The following PRH1 variants were observed in gnomAD, a reference collection of about 807,000 sequenced individuals.
The protein encoded by PRH1 is salivary acidic proline-rich phosphoprotein 1/2.
In PRH1, 7 loss-of-function variants were observed where a neutral mutation model predicts 7.9. That is an observed-to-expected ratio of 0.89 (90% CI 0.50 to 1.67). The LOEUF is 1.67. Ranked by LOEUF, PRH1 falls within the 40% of genes most tolerant of loss-of-function variation. The pLI is 0.00. For missense variants in PRH1, 109 were observed against 223.6 expected (o/e 0.49, Z 3.27); for synonymous variants, 45 against 80.8 (o/e 0.56, Z 2.38).
intron 1 of PRH1, among the ~76,000 whole-genome samples, chr12:10,983,356 G>A (rs1939448817): frequency 6.6e-6 from 1 of 152,198 alleles, no homozygotes; most frequent in Admixed American, 6.5e-5. Context: ...GCCATGATTG[G>A]AGGGCATGAG....
intron 2 of PRH1, among the ~76,000 whole-genome samples, chr12:10,921,994 C>T (rs2135848951): frequency 6.6e-6 from 1 of 152,120 alleles, no homozygotes; most frequent in East Asian, 1.9e-4. Flanking sequence ...TTGTCTCGAA[C>T]TCCTGAACTC....
chr12:10,996,771 T>A (rs1001231818), intron 1 of PRH1: 3 of 411,116 alleles, frequency 7.3e-6, no homozygotes, highest in Non-Finnish European at 4.2e-6. Context: ...CACGCAAATG[T>A]ATATTATATA....
chr12:11,016,146 T>C (rs529560987), intron 1 of PRH1, among the ~76,000 whole-genome samples: 26 of 152,354 alleles, frequency 1.7e-4, no homozygotes, highest in Admixed American at 1.2e-3. Flanking sequence ...TACAAGTTAC[T>C]TCTGCACAGG....
chr12:10,953,769 C>T (rs376168643), intron 2 of PRH1, among the ~76,000 whole-genome samples: 23 of 152,188 alleles, frequency 1.5e-4, no homozygotes, highest in Middle Eastern at 3.4e-3. Context: ...AGAACCCCTA[C>T]GAAATACTAC....
At chr12:11,157,530 TTATC>T (rs1947289705) in intron 1 of PRH1, among the ~76,000 whole-genome samples, 2 of 152,194 alleles carry the variant, frequency 1.3e-5, no homozygotes, top group African/African-American at 4.8e-5. Context: ...TTTATTGACT[TTATC>T]TCTCTTATTA....
intron 1 of PRH1, among the ~76,000 whole-genome samples, chr12:11,061,130 A>T (rs1445821038): frequency 1.3e-5 from 2 of 149,692 alleles, no homozygotes; most frequent in Non-Finnish European, 1.5e-5. Context: ...TGAAAAAACA[A>T]AAAAGAGTAT....
intron 1 of PRH1, among the ~76,000 whole-genome samples, chr12:11,020,130 C>A (rs1941524073): frequency 6.6e-6 from 1 of 152,202 alleles, no homozygotes; most frequent in Non-Finnish European, 1.5e-5. Context: ...ATAACCTCAA[C>A]CTGAAAATAG....
intron 2 of PRH1, chr12:10,929,160 G>A: frequency 7.3e-7 from 1 of 1,369,000 alleles, no homozygotes; most frequent in Non-Finnish European, 1.0e-6. Context: ...CTGAGGCGAG[G>A]AGGCCCACCT....
intron 1 of PRH1, chr12:11,078,808 C>G (rs1270749974): frequency 1.3e-5 from 2 of 152,046 alleles, no homozygotes; most frequent in African/African-American, 4.8e-5. Context: ...CAGAATCATC[C>G]AAGGTTATCT....
chr12:10,903,934 A>AAAAAAAAAAAAAAAAAC, intron 2 of PRH1, among the ~76,000 whole-genome samples: 1 of 139,536 alleles, frequency 7.2e-6, no homozygotes, highest in Non-Finnish European at 1.6e-5. Context: ...ATAGCCTCAA[A>AAAAAAAAAAAAAAAAAC]AAAAAAAAAA....
intron 1 of PRH1, among the ~76,000 whole-genome samples, chr12:11,019,642 A>G (rs1262990071): frequency 1.3e-5 from 2 of 152,302 alleles, no homozygotes; most frequent in Admixed American, 6.5e-5. Flanking sequence ...CAGCTAGAAA[A>G]TATCATAATA....
Position 11,044,150 on chromosome 12 carries a change from T to C in PRH1, c.-126+2870A>G, listed in dbSNP as rs140429992. ...TGGAAACAAATCCACACACCTACAG[T>C]GAACTCATTTTTGAAAAAGATGCCA... On this transcript the variant is annotated intron_variant, in intron 1 of 3. Coordinates refer to the PRH1 transcript ENST00000539853. Among the ~76,000 whole-genome samples the C allele has an allele frequency of 9.5e-3, 1,442 of 152,184 alleles. 17 individuals are homozygous for C. The highest frequency in any genetic ancestry group is 0.04 in the East Asian group (206 of 5,174).
chr12:10,887,485 T>C (rs1326944193), upstream of PRH1, among the ~76,000 whole-genome samples: 1 of 152,002 alleles, frequency 6.6e-6, no homozygotes, highest in Non-Finnish European at 1.5e-5. Context: ...ATGTTAGTGG[T>C]CCATAAATAT....
intron 2 of PRH1, among the ~76,000 whole-genome samples, chr12:10,926,108 T>C (rs1374030014): frequency 6.6e-6 from 1 of 152,188 alleles, no homozygotes; most frequent in Admixed American, 6.5e-5. Flanking sequence ...TTAAAAAATA[T>C]AGATGATTAC....
At position 11,092,601 on chromosome 12, in the gene PRH1, C is replaced by T. The variant is rs575819633; in HGVS notation, n.124-45413G>A. Among the ~76,000 whole-genome samples, 34 of 110,548 alleles carry T rather than the reference C, an allele frequency of 3.1e-4. 6 individuals are homozygous for T. The highest frequency in any genetic ancestry group is 9.2e-4 in the African/African-American group (31 of 33,532). 72.5% of individuals were successfully genotyped at this position (110,548 alleles called of 152,430 possible). ...TCCTGTTGATTGGTGCATTTTAGAG[C>T]GATTGGTGCATTTTACAATCCTCTT... On this transcript the variant is annotated intron_variant and non_coding_transcript_variant, in intron 1 of 4. Transcript: ENST00000541977.
chr12:10,996,613 T>TA (rs936351805), intron 1 of PRH1: 3 of 175,820 alleles, frequency 1.7e-5, no homozygotes, highest in African/African-American at 4.7e-5. Context: ...AAATATCATA[T>TA]AAAAAAATGT....
chr12:11,066,390 T>A (rs1943812999), intron 1 of PRH1, among the ~76,000 whole-genome samples: 1 of 152,088 alleles, frequency 6.6e-6, no homozygotes, highest in Non-Finnish European at 1.5e-5. Context: ...CACTAAAATC[T>A]AAATTGTTTC....
Position 10,930,859 on chromosome 12 carries a change from C to A in PRH1, c.-59+42796G>T, listed in dbSNP as rs1950198789. The A allele has an allele frequency of 6.2e-7, 1 of 1,613,282 alleles. No homozygotes were observed. The highest frequency in any genetic ancestry group is 2.2e-5 in the East Asian group (1 of 44,874). On this transcript the variant is annotated intron_variant, in intron 2 of 3. Coordinates refer to the PRH1 transcript ENST00000539853. ...ACAAGGACCACCCCAACAGGGAGGC[C>A]ATCCCCCTCCTCCTCAAGGAAGGCC...
intron 2 of PRH1, among the ~76,000 whole-genome samples, chr12:10,903,938 A>AAAAAAAAAAAAAAAAAAAAC (rs2135814480): frequency 7.0e-6 from 1 of 143,864 alleles, no homozygotes; most frequent in Non-Finnish European, 1.5e-5. Context: ...CCTCAAAAAA[A>AAAAAAAAAAAAAAAAAAAAC]AAAAAAAAAA....
Sources: allele counts gnomAD v4.1 joint callset (sites outside exome capture counted in the v4.1 genomes callset), GRCh38; gene constraint gnomAD v4.1.1; transcripts MANE v1.5; gene names NCBI Gene and HGNC (gene_info 2026-07-23, HGNC 2026-07-21).